MARK1: variants seen among roughly 807,000 people sequenced by gnomAD.
MARK1 encodes microtubule affinity regulating kinase 1, also known as serine/threonine-protein kinase MARK1.
Under a neutral mutation model 96.3 loss-of-function variants are expected in MARK1, and 40 were observed. The observed-to-expected ratio is 0.42, with a 90% CI of 0.32 to 0.54. The LOEUF (loss-of-function observed/expected upper bound fraction) is 0.54. Among genes scored for constraint, MARK1 ranks in the 20% least tolerant of loss-of-function variants. The pLI is 0.16. For missense variants in MARK1, 719 were observed against 984.6 expected, an observed-to-expected ratio of 0.73 and a Z score of 3.61; for synonymous variants, 317 against 341.2, an observed-to-expected ratio of 0.93 and a Z score of 0.78.
intron 3 of MARK1, among the ~76,000 whole-genome samples, chr1:220,584,391 A>T (rs577291197): frequency 6.6e-6 from 1 of 152,344 alleles, no homozygotes; most frequent in South Asian, 2.1e-4. Context: ...GTTTTATAGA[A>T]TGTGAATCGC....
intron 13 of MARK1, 33 bp downstream of exon 13, chr1:220,636,059 T>C (rs1667945094): frequency 2.1e-6 from 3 of 1,424,594 alleles, no homozygotes; most frequent in South Asian, 1.5e-5. Context: ...TGCAATTTAT[T>C]GTAATAACTT....
chr1:220,598,657 A>T (rs997439734), intron 4 of MARK1, among the ~76,000 whole-genome samples: 41 of 151,570 alleles, frequency 2.7e-4, no homozygotes, highest in African/African-American at 9.9e-4. Context: ...AATGCATACA[A>T]TTTTTTTTAA....
intron 11 of MARK1, 30 bp from the exon 12 acceptor site, chr1:220,635,346 T>G (rs771568048): frequency 6.5e-7 from 1 of 1,542,650 alleles, no homozygotes; most frequent in Admixed American, 2.3e-5. Context: ...TTTTTTTGCT[T>G]TAAAATCCCT....
chr1:220,589,320 A>G (rs553525346), intron 3 of MARK1, among the ~76,000 whole-genome samples: 24 of 152,294 alleles, frequency 1.6e-4, no homozygotes, highest in African/African-American at 5.8e-4. Flanking sequence ...AGACTTTTTC[A>G]TCATCACAAA....
Position 220,618,784 on chromosome 1 carries a change from A to T in MARK1, c.909+29A>T. ...AGTAAATTTTTGTACTCCAAATTTAAATTTTAACAATTAAAATATTCCAGG... is the reference window on the plus strand; with the variant it reads ...AGTAAATTTTTGTACTCCAAATTTATATTTTAACAATTAAAATATTCCAGG... On this transcript the variant is annotated intron_variant, in intron 9 of 17. Transcript: ENST00000366917. The surrounding 1 kb of genome is among the most constrained non-coding windows in gnomAD (Gnocchi z 4.6). 1 of 1,536,144 alleles carries T rather than the reference A, an allele frequency of 6.5e-7. No individual in the cohort carries two copies. Among genetic ancestry groups the T allele is most frequent in the Non-Finnish European group, 8.8e-7 (1 of 1,141,234 alleles).
intron 1 of MARK1, among the ~76,000 whole-genome samples, chr1:220,537,591 G>A (rs1660801206): frequency 7.1e-6 from 1 of 140,504 alleles, no homozygotes; most frequent in Non-Finnish European, 1.6e-5. Context: ...TAGTCCTTTG[G>A]GTATATACCC....
chr1:220,655,915 A>G (rs985338984), intron 16 of MARK1, among the ~76,000 whole-genome samples: 6 of 152,082 alleles, frequency 3.9e-5, no homozygotes, highest in African/African-American at 1.4e-4. Context: ...CACCAGCCAC[A>G]CAGGGACCAG....
intron 3 of MARK1, among the ~76,000 whole-genome samples, chr1:220,592,224 T>C (rs115590350): frequency 3.4e-3 from 169 of 49,482 alleles, no homozygotes; most frequent in African/African-American, 0.015. Context: ...TATATCATAT[T>C]ATATTATATT....
At chr1:220,580,880 C>T (rs567510020) in intron 2 of MARK1, among the ~76,000 whole-genome samples, 185 bp from the exon 3 acceptor site, 1 of 152,136 alleles carries the variant, frequency 6.6e-6, no homozygotes, top group Non-Finnish European at 1.5e-5. Context: ...AGATTAAAGA[C>T]TTGGGTCAAT....
chr1:220,631,122 A>C lies in MARK1; in HGVS notation c.997A>C (p.Thr333Pro), dbSNP rs149156758. The change falls in exon 10 of 18, where the codon ACA becomes CCA. Residue 333 changes from threonine (T) to proline (P), a missense_variant. Physicochemically the swap from Thr to Pro is conservative, Grantham distance 38. Transcript: ENST00000366917. ...YTEPDPDFND[T>P]KRIDIMVTMG... ...TGAGCCTGATCCGGATTTCAATGAC[A>C]CAAAAAGAATAGGTAAGTATTTAAA... 6.2e-7 allele frequency: 1 copy of C among 1,610,894 alleles called. No homozygotes were observed. The highest frequency in any genetic ancestry group is 8.5e-7 in the Non-Finnish European group (1 of 1,177,422).
At chr1:220,542,333 G>C (rs1661201286) in intron 1 of MARK1, among the ~76,000 whole-genome samples, 1 of 152,126 alleles carries the variant, frequency 6.6e-6, no homozygotes, top group South Asian at 2.1e-4. Context: ...TAGGAGGTTA[G>C]ATTTATTGTT....
chr1:220,607,816 C>T (rs1264337276), intron 6 of MARK1, among the ~76,000 whole-genome samples: 2 of 151,872 alleles, frequency 1.3e-5, no homozygotes, highest in African/African-American at 2.4e-5. Context: ...TTGAGATAAT[C>T]GTGGTTTTCA....
chr1:220,546,601 A>G (rs1340038482), intron 1 of MARK1, among the ~76,000 whole-genome samples: 3 of 152,208 alleles, frequency 2.0e-5, no homozygotes, highest in East Asian at 1.9e-4. Flanking sequence ...TTATCTTTCT[A>G]TTACCACCTC....
intron 3 of MARK1, 36 bp downstream of exon 3, chr1:220,581,154 G>A (rs1033963134): frequency 1.3e-6 from 1 of 760,446 alleles, no homozygotes; most frequent in Non-Finnish European, 1.9e-6. Flanking sequence ...TAAAATGTGA[G>A]TTTATCATTA....
intron 11 of MARK1, among the ~76,000 whole-genome samples, chr1:220,633,954 G>A (rs1572208831): frequency 6.6e-6 from 1 of 152,264 alleles, no homozygotes; most frequent in Non-Finnish European, 1.5e-5. Flanking sequence ...TCATTAGAGG[G>A]GAACACATTG....
In MARK1 at chr1:220,652,113, C is replaced by G. The variant is rs567136874; in HGVS notation, c.1699C>G (p.Pro567Ala). ...TGGTCATCCTATTAAAGTCACACTG[C>G]CAACCATTAAAGACGGCTCTGAAGC... ...TSGHPIKVTL[P>A]TIKDGSEAYR... Residue 567 changes from proline (P) to alanine (A), a missense_variant, in exon 15 of 18, where the codon CCA becomes GCA. Physicochemically the swap from Pro to Ala is conservative, Grantham distance 27 (BLOSUM62 -1). Coordinates refer to ENST00000366917, the MANE Select transcript of MARK1 (RefSeq NM_018650.5). 2 of 1,612,940 alleles carry G rather than the reference C, an allele frequency of 1.2e-6. No individual in the cohort carries two copies. The highest frequency in any genetic ancestry group is 1.7e-5 in the Admixed American group (1 of 60,008).
chr1:220,585,215 A>G (rs1254053433), intron 3 of MARK1, among the ~76,000 whole-genome samples: 2 of 152,220 alleles, frequency 1.3e-5, no homozygotes, highest in Admixed American at 6.5e-5. Context: ...TCTCCATGAA[A>G]TTAGTGGTCA....
chr1:220,632,372 A>AGCTC, intron 11 of MARK1, 59 bp downstream of exon 11: 1 of 705,000 alleles, frequency 1.4e-6, no homozygotes, highest in Non-Finnish European at 2.3e-6. Flanking sequence ...TATATTAGTT[A>AGCTC]ATATATTCTT....
intron 7 of MARK1, among the ~76,000 whole-genome samples, chr1:220,617,818 T>C (rs935942649): frequency 5.3e-5 from 8 of 152,148 alleles, no homozygotes; most frequent in Non-Finnish European, 1.0e-4. Flanking sequence ...AACAAAGGAA[T>C]GAATTAGTAG....
Sources: gnomAD v4.1 joint callset for allele counts (sites outside exome capture counted in the v4.1 genomes callset) on GRCh38, gnomAD v4.1.1 for gene constraint, Gnocchi (gnomAD v3.1) non-coding constraint, MANE v1.5 for transcripts, NCBI Gene and HGNC (gene_info 2026-07-23, HGNC 2026-07-21) for gene names.